Variants in PCDH9 observed in about 807,000 individuals in gnomAD.
The protein encoded by PCDH9 is protocadherin-9.
PCDH9 carries 24 observed loss-of-function variants against 70.6 expected under a neutral mutation model. The ratio of observed to expected loss-of-function variants is 0.34; its 90% confidence interval spans 0.25 to 0.48. PCDH9 has a LOEUF of 0.48. PCDH9 is among the 20% of genes least tolerant of loss of function. The pLI is 0.99. For synonymous variants in PCDH9, 562 were observed against 558.5 expected, an observed-to-expected ratio of 1.01 and a Z score of -0.09; for missense variants, 1,281 against 1,503.6, an observed-to-expected ratio of 0.85 and a Z score of 2.45.
intron 4 of PCDH9, among the ~76,000 whole-genome samples, chr13:66,627,159 A>T (rs2077510189): frequency 6.6e-6 from 1 of 152,178 alleles, no homozygotes; most frequent in Admixed American, 6.6e-5. Flanking sequence ...AAAAACAGAA[A>T]TCTAGATAAG....
chr13:66,635,153 G>A (rs767121574), intron 3 of PCDH9, among the ~76,000 whole-genome samples: 2 of 152,124 alleles, frequency 1.3e-5, no homozygotes, highest in Admixed American at 6.6e-5. Flanking sequence ...ATTACAGTGA[G>A]ACTCCTTCAG....
chr13:66,770,539 TCAATA>T (rs2079790931), intron 3 of PCDH9, among the ~76,000 whole-genome samples: 1 of 152,158 alleles, frequency 6.6e-6, no homozygotes, highest in Non-Finnish European at 1.5e-5. Flanking sequence ...TTAGACAGTT[TCAATA>T]GGGGCCTCCT....
rs377663417 is a variant in PCDH9, at chr13:66,800,174, C to T, written c.3138+103330G>A. On this transcript the variant is annotated intron_variant, in intron 3 of 4. Transcript: ENST00000377865. ...TCCCAGATGTTGCAATCCCTCTAACCACATAACTCTCTCAGTTCCACCCTT... is the reference window on the plus strand; with the variant it reads ...TCCCAGATGTTGCAATCCCTCTAACTACATAACTCTCTCAGTTCCACCCTT... Among the ~76,000 whole-genome samples the T allele has an allele frequency of 2.0e-5, 3 of 152,196 alleles. No individual in the cohort carries two copies. The East Asian group carries it at 5.8e-4, about 29-fold the overall frequency.
At chr13:66,503,054 G>A (rs749682144) in intron 4 of PCDH9, among the ~76,000 whole-genome samples, 17 of 152,096 alleles carry the variant, frequency 1.1e-4, no homozygotes, top group Non-Finnish European at 1.6e-4. Flanking sequence ...GTCCAGGATG[G>A]GGGGAGGAAG....
intron 4 of PCDH9, among the ~76,000 whole-genome samples, chr13:66,382,062 C>A (rs1488869932): frequency 6.6e-6 from 1 of 151,562 alleles, no homozygotes; most frequent in Non-Finnish European, 1.5e-5. Flanking sequence ...ATGATTTATT[C>A]TACAAAGAAG....
intron 4 of PCDH9, among the ~76,000 whole-genome samples, chr13:66,451,977 G>A (rs141138771): frequency 1.1e-4 from 16 of 152,166 alleles, no homozygotes; most frequent in African/African-American, 3.4e-4. Context: ...TTTTAAATCC[G>A]GGCTGAGGTC....
chr13:66,897,846 C>T (rs113887763), intron 3 of PCDH9, among the ~76,000 whole-genome samples: 4 of 152,046 alleles, frequency 2.6e-5, no homozygotes, highest in Non-Finnish European at 5.9e-5. Context: ...GCAAAGATTC[C>T]TAAATGCTAT....
intron 3 of PCDH9, among the ~76,000 whole-genome samples, chr13:66,686,085 T>C (rs2078397240): frequency 1.3e-5 from 2 of 152,116 alleles, no homozygotes; most frequent in Admixed American, 1.3e-4. Flanking sequence ...GTCATGAGAT[T>C]TGGGAGGGGC....
chr13:67,166,397 T>C (rs542183018), intron 2 of PCDH9, among the ~76,000 whole-genome samples: 37 of 152,184 alleles, frequency 2.4e-4, no homozygotes, highest in Non-Finnish European at 4.7e-4. Flanking sequence ...GGAAGCCTGA[T>C]TTCACTACAT....
At chr13:66,406,748 G>A (rs1593926442) in intron 4 of PCDH9, among the ~76,000 whole-genome samples, 1 of 152,190 alleles carries the variant, frequency 6.6e-6, no homozygotes, top group Middle Eastern at 3.4e-3. Context: ...CACCTAGATG[G>A]TGCGAAAACA....
At chr13:66,436,802 G>T (rs1957874294) in intron 4 of PCDH9, among the ~76,000 whole-genome samples, 1 of 151,910 alleles carries the variant, frequency 6.6e-6, no homozygotes, top group South Asian at 2.1e-4. Context: ...TGAAGTCAAA[G>T]AAAAATTATA....
intron 4 of PCDH9, among the ~76,000 whole-genome samples, chr13:66,563,428 C>T (rs2076606026): frequency 1.3e-5 from 2 of 152,166 alleles, no homozygotes; most frequent in African/African-American, 2.4e-5. Flanking sequence ...ACCCTACATA[C>T]AAATCCACAC....
chr13:66,532,597 C>T (rs1456305451), intron 4 of PCDH9, among the ~76,000 whole-genome samples: 4 of 152,038 alleles, frequency 2.6e-5, no homozygotes, highest in African/African-American at 9.7e-5. Flanking sequence ...GACTGGAGTG[C>T]AGTGGCCCAA....
chr13:67,131,052 A>G (rs2087101239), intron 2 of PCDH9, among the ~76,000 whole-genome samples: 1 of 152,204 alleles, frequency 6.6e-6, no homozygotes, highest in Admixed American at 6.5e-5. Flanking sequence ...ATGTGCTGGT[A>G]GATTAAAATA....
intron 4 of PCDH9, among the ~76,000 whole-genome samples, chr13:66,450,659 A>G (rs1958187032): frequency 6.6e-6 from 1 of 152,210 alleles, no homozygotes; most frequent in African/African-American, 2.4e-5. Flanking sequence ...CATAAATGGT[A>G]ATCTACATCT....
intron 4 of PCDH9, among the ~76,000 whole-genome samples, chr13:66,614,782 T>C (rs958865493): frequency 1.3e-5 from 2 of 152,220 alleles, no homozygotes; most frequent in African/African-American, 4.8e-5. Context: ...AAGGGTACAC[T>C]CGCCAGCAGT....
intron 4 of PCDH9, among the ~76,000 whole-genome samples, chr13:66,403,289 C>G (rs965468011): frequency 1.3e-5 from 2 of 151,834 alleles, no homozygotes; most frequent in African/African-American, 2.4e-5. Context: ...ACAGGCACCA[C>G]CATGCCTGGC....
intron 3 of PCDH9, among the ~76,000 whole-genome samples, chr13:66,764,106 T>C (rs1172409021): frequency 2.6e-5 from 4 of 151,990 alleles, no homozygotes; most frequent in Admixed American, 6.6e-5. Flanking sequence ...GCCTATTTAA[T>C]CTCTTCAAAA....
chr13:66,682,109 C>T (rs995907481), intron 3 of PCDH9, among the ~76,000 whole-genome samples: 34 of 151,838 alleles, frequency 2.2e-4, no homozygotes, highest in Non-Finnish European at 2.4e-4. Context: ...ATACCTGTAT[C>T]ATTGTTCCAC....
Sources: allele counts gnomAD v4.1 joint callset (sites outside exome capture counted in the v4.1 genomes callset), GRCh38; gene constraint gnomAD v4.1.1; transcripts MANE v1.5; gene names NCBI Gene and HGNC (gene_info 2026-07-23, HGNC 2026-07-21).